Variants in ITGA1 observed in about 807,000 individuals in gnomAD.
The protein encoded by ITGA1 is integrin subunit alpha 1, also known as integrin alpha-1.
Under a neutral mutation model 145.9 loss-of-function variants are expected in ITGA1, and 85 were observed. The observed-to-expected ratio is 0.58, with a 90% CI of 0.49 to 0.70. The LOEUF (loss-of-function observed/expected upper bound fraction) is 0.70, where lower values mean the gene tolerates loss of function less well. Among genes scored for constraint, ITGA1 ranks in the 30% least tolerant of loss-of-function variants. ITGA1 has a pLI of 0.00. For synonymous variants in ITGA1, 520 were observed against 495.3 expected (o/e 1.05, Z -0.66); for missense variants, 1,351 against 1,418.7 (o/e 0.95, Z 0.77).
intron 6 of ITGA1, chr5:52,867,159 T>C (rs1309920717): frequency 6.6e-6 from 1 of 152,176 alleles, no homozygotes; most frequent in Non-Finnish European, 1.5e-5. Flanking sequence ...ACATGTGTCT[T>C]CATGTGTCTG....
At chr5:52,908,423 A>G (rs531925858) in intron 12 of ITGA1, among the ~76,000 whole-genome samples, 1 of 152,324 alleles carries the variant, frequency 6.6e-6, no homozygotes, top group African/African-American at 2.4e-5. Flanking sequence ...ATAAGGCTTA[A>G]CCATTTCATT....
chr5:52,851,402 C>T (rs1329653352), intron 2 of ITGA1, among the ~76,000 whole-genome samples: 1 of 152,070 alleles, frequency 6.6e-6, no homozygotes, highest in Non-Finnish European at 1.5e-5. Context: ...GTGAGATTTC[C>T]ACCCTCTAAA....
At chr5:52,922,952 T>A in intron 18 of ITGA1, 65 bp downstream of exon 18, 1 of 976,518 alleles carries the variant, frequency 1.0e-6, no homozygotes, top group Non-Finnish European at 1.6e-6. Flanking sequence ...ACTAGTAAAC[T>A]GTGTTTTTTC....
At position 52,819,671 on chromosome 5, in the gene ITGA1, G is replaced by T. The variant is rs866021827; in HGVS notation, c.62-29694G>T. On this transcript the variant is annotated intron_variant, in intron 1 of 28. Transcript: ENST00000282588. ...GTTTAATTAGATCCCATTTGTCAAT[G>T]TTGGCTTTTGTTGCCATTGCTTTCG... Among the ~76,000 whole-genome samples the T allele has an allele frequency of 6.7e-3, 1,015 of 152,182 alleles. 12 individuals carry two copies. Among genetic ancestry groups the T allele is most frequent in the African/African-American group, 0.023 (966 of 41,548 alleles).
chr5:52,892,473 T>C (rs1468622979), intron 8 of ITGA1, among the ~76,000 whole-genome samples: 2 of 152,200 alleles, frequency 1.3e-5, no homozygotes, highest in African/African-American at 2.4e-5. Context: ...TCACTTATTG[T>C]ATGACCCAGC....
chr5:52,930,571 C>T (rs932154566), intron 21 of ITGA1, among the ~76,000 whole-genome samples: 3 of 151,962 alleles, frequency 2.0e-5, no homozygotes, highest in African/African-American at 4.8e-5. Flanking sequence ...AAAGCTTTGT[C>T]AGAAAATTAA....
chr5:52,947,591 TA>T, intron 28 of ITGA1, 130 bp downstream of exon 28: 1 of 624,532 alleles, frequency 1.6e-6, no homozygotes, highest in Middle Eastern at 2.5e-4. Flanking sequence ...AAATGATGAC[TA>T]AGGGAAAGAA....
At chr5:52,946,212 A>G (rs1430522760) in intron 27 of ITGA1, among the ~76,000 whole-genome samples, 2 of 152,160 alleles carry the variant, frequency 1.3e-5, no homozygotes, top group East Asian at 3.9e-4. Flanking sequence ...CATATCTGTA[A>G]GTTCAGGGAA....
chr5:52,848,509 G>A (rs1749373108), intron 1 of ITGA1, among the ~76,000 whole-genome samples: 1 of 152,016 alleles, frequency 6.6e-6, no homozygotes, highest in African/African-American at 2.4e-5. Context: ...AAATTAGTAT[G>A]GAATTTTTTT....
intron 1 of ITGA1, among the ~76,000 whole-genome samples, chr5:52,845,430 C>T (rs530551750): frequency 6.6e-6 from 1 of 152,112 alleles, no homozygotes; most frequent in East Asian, 1.9e-4. Context: ...CTCGTGGAAG[C>T]GTAGGTAGTG....
rs532809219 is a variant in ITGA1, at chr5:52,807,217, C to A, written c.61+18803C>A. Among the ~76,000 whole-genome samples, 4 of 152,266 alleles carry A rather than the reference C, an allele frequency of 2.6e-5. No individual in the cohort carries two copies. The East Asian group carries it at 7.7e-4, about 29-fold the overall frequency. On this transcript the variant is annotated intron_variant, in intron 1 of 28. Transcript: ENST00000282588. ...ATTTGCCAAGTAGCAAATTCAAGAG[C>A]AAAATGTTTTGGCAGTCATATTGCC...
chr5:52,951,429 C>A (rs925971090), intron 28 of ITGA1, among the ~76,000 whole-genome samples: 5 of 150,396 alleles, frequency 3.3e-5, no homozygotes, highest in Non-Finnish European at 7.3e-5. Context: ...GGATGGGAAA[C>A]AATTGCAGCA....
chr5:52,860,076 G>A (rs942881887), intron 2 of ITGA1, among the ~76,000 whole-genome samples: 3 of 152,200 alleles, frequency 2.0e-5, no homozygotes, highest in African/African-American at 7.2e-5. Flanking sequence ...AGTTATTTAT[G>A]TAGGTTCTAA....
At chr5:52,934,117 T>C in intron 23 of ITGA1, 121 bp downstream of exon 23, 1 of 289,412 alleles carries the variant, frequency 3.5e-6, no homozygotes, top group Non-Finnish European at 6.6e-6. Flanking sequence ...TCCAGCATAT[T>C]TTCTTTATAA....
chr5:52,857,142 GA>G (rs1749527705), intron 2 of ITGA1, among the ~76,000 whole-genome samples: 1 of 152,106 alleles, frequency 6.6e-6, no homozygotes, highest in African/African-American at 2.4e-5. Flanking sequence ...TCAATGGGTG[GA>G]AAAACAGATT....
chr5:52,908,526 C>G (rs1750446251), intron 12 of ITGA1, among the ~76,000 whole-genome samples: 1 of 152,212 alleles, frequency 6.6e-6, no homozygotes, highest in African/African-American at 2.4e-5. Context: ...AACATATATT[C>G]AGCCATTGCA....
intron 6 of ITGA1, among the ~76,000 whole-genome samples, chr5:52,881,560 T>C (rs1749960302): frequency 6.6e-6 from 1 of 152,226 alleles, no homozygotes; most frequent in Admixed American, 6.5e-5. Flanking sequence ...AGAAGCTCCA[T>C]GAAGGCAGAG....
At chr5:52,910,812 T>C (rs966579041) in intron 14 of ITGA1, among the ~76,000 whole-genome samples, 1 of 144,362 alleles carries the variant, frequency 6.9e-6, no homozygotes, top group African/African-American at 2.5e-5. Flanking sequence ...ATATAGTATA[T>C]ATAGTGTATA....
chr5:52,872,665 TCTC>T (rs942760229), intron 6 of ITGA1, among the ~76,000 whole-genome samples: 26 of 147,724 alleles, frequency 1.8e-4, no homozygotes, highest in African/African-American at 6.5e-4. Context: ...TTCAAGCTAT[TCTC>T]CTGCCTCAGG....
Sources: gnomAD v4.1 joint callset for allele counts (sites outside exome capture counted in the v4.1 genomes callset) on GRCh38, gnomAD v4.1.1 for gene constraint, MANE v1.5 for transcripts, NCBI Gene and HGNC (gene_info 2026-07-23, HGNC 2026-07-21) for gene names.